The following PTPRG variants were observed in gnomAD, a reference collection of about 807,000 sequenced individuals.
PTPRG encodes the protein protein tyrosine phosphatase receptor type G.
Under a neutral mutation model 165.3 loss-of-function variants are expected in PTPRG, and 102 were observed. That is an observed-to-expected ratio of 0.62 (90% CI 0.53 to 0.73). The LOEUF (loss-of-function observed/expected upper bound fraction) is 0.73. Ranked by LOEUF, PTPRG falls within the 30% of genes least tolerant of loss-of-function variation. The pLI is 0.00. For missense variants in PTPRG, 1,866 were observed against 1,861.4 expected, an observed-to-expected ratio of 1.00 and a Z score of -0.05; for synonymous variants, 675 against 669.5, an observed-to-expected ratio of 1.01 and a Z score of -0.13.
At chr3:62,090,720 G>T (rs1701899774) in intron 5 of PTPRG, among the ~76,000 whole-genome samples, 1 of 152,164 alleles carries the variant, frequency 6.6e-6, no homozygotes, top group Admixed American at 6.5e-5. Flanking sequence ...TGATAATTCT[G>T]CCAAGCATTC....
intron 8 of PTPRG, among the ~76,000 whole-genome samples, chr3:62,169,074 C>A (rs946210595): frequency 1.3e-5 from 2 of 152,138 alleles, no homozygotes; most frequent in Admixed American, 1.3e-4. Context: ...CTATCCCTCT[C>A]GTCTGCTTCT....
At chr3:61,821,247 G>A (rs191717968) in intron 2 of PTPRG, among the ~76,000 whole-genome samples, 1 of 151,874 alleles carries the variant, frequency 6.6e-6, no homozygotes, top group East Asian at 1.9e-4. Context: ...TTGGCTCACT[G>A]CAAGCTCCGC....
At chr3:62,026,283 T>C (rs2041801726) in intron 4 of PTPRG, among the ~76,000 whole-genome samples, 1 of 152,230 alleles carries the variant, frequency 6.6e-6, no homozygotes. Context: ...TGCTGAAAGA[T>C]TGAAAATGCA....
At chr3:62,110,539 TA>T (rs34522053) in intron 5 of PTPRG, among the ~76,000 whole-genome samples, 19,574 of 142,762 alleles carry the variant, frequency 0.14, 1,259 homozygotes, top group African/African-American at 0.17. Context: ...GTAGATGCTT[TA>T]AAAAAAAAAA....
At chr3:61,986,379 T>C (rs1004549033) in intron 2 of PTPRG, among the ~76,000 whole-genome samples, 3 of 152,156 alleles carry the variant, frequency 2.0e-5, no homozygotes, top group Non-Finnish European at 4.4e-5. Flanking sequence ...ATAGTAATAA[T>C]GGGGTCCAAA....
intron 8 of PTPRG, among the ~76,000 whole-genome samples, chr3:62,178,801 C>T (rs1243704390): frequency 6.6e-6 from 1 of 152,178 alleles, no homozygotes; most frequent in African/African-American, 2.4e-5. Flanking sequence ...ACTTAGCAAC[C>T]CTACTCTGGC....
chr3:62,041,423 A>G (rs574317103), intron 4 of PTPRG, among the ~76,000 whole-genome samples: 2 of 152,216 alleles, frequency 1.3e-5, no homozygotes, highest in Non-Finnish European at 2.9e-5. Flanking sequence ...CAAGAATTCT[A>G]GAAACACACA....
intron 2 of PTPRG, among the ~76,000 whole-genome samples, chr3:61,904,429 C>T (rs1032246150): frequency 1.2e-4 from 19 of 152,200 alleles, no homozygotes; most frequent in African/African-American, 4.3e-4. Context: ...CATCTCCCTA[C>T]AGGCCCAAGC....
intron 5 of PTPRG, among the ~76,000 whole-genome samples, chr3:62,094,701 C>G (rs1702052245): frequency 6.6e-6 from 1 of 152,176 alleles, no homozygotes; most frequent in Non-Finnish European, 1.5e-5. Context: ...GTCCAACGTC[C>G]CCACTGAGGC....
chr3:61,794,331 C>A (rs966189852), intron 2 of PTPRG, among the ~76,000 whole-genome samples: 3 of 152,034 alleles, frequency 2.0e-5, no homozygotes, highest in Non-Finnish European at 4.4e-5. Flanking sequence ...GCCATCTGTT[C>A]ATTTAAATAT....
intron 1 of PTPRG, chr3:61,742,455 T>C: frequency 2.3e-5 from 34 of 1,476,022 alleles, no homozygotes; most frequent in Non-Finnish European, 2.6e-5. Context: ...CAAATGTGCC[T>C]TAATATAGGC....
intron 7 of PTPRG, among the ~76,000 whole-genome samples, chr3:62,161,285 G>A (rs2106712287): frequency 6.6e-6 from 1 of 152,260 alleles, no homozygotes; most frequent in African/African-American, 2.4e-5. Context: ...TTTAAAGCAG[G>A]ACTGTCTGGT....
At chr3:61,836,343 T>C (rs748845758) in intron 2 of PTPRG, among the ~76,000 whole-genome samples, 9 of 152,150 alleles carry the variant, frequency 5.9e-5, no homozygotes, top group Non-Finnish European at 1.3e-4. Context: ...GTGTAGTACA[T>C]AGTAAGTGCT....
chr3:61,573,383 T>G (rs1274364187), intron 1 of PTPRG, among the ~76,000 whole-genome samples: 1 of 152,212 alleles, frequency 6.6e-6, no homozygotes, highest in Non-Finnish European at 1.5e-5. Context: ...GCCCTCCTAA[T>G]TTTTGCACAT....
At chr3:62,287,837 C>T (rs1654533792) in intron 28 of PTPRG, among the ~76,000 whole-genome samples, 1 of 152,040 alleles carries the variant, frequency 6.6e-6, no homozygotes, top group African/African-American at 2.4e-5. Flanking sequence ...TCTTCAAACA[C>T]AAATGGTTTA....
At chr3:61,709,125 G>A (rs77163376) in intron 1 of PTPRG, among the ~76,000 whole-genome samples, 5 of 152,144 alleles carry the variant, frequency 3.3e-5, no homozygotes, top group Non-Finnish European at 1.5e-5. Flanking sequence ...TGAGTCAGAG[G>A]TATTGTTGTC....
chr3:62,054,785 T>C (rs1263421171), intron 4 of PTPRG, among the ~76,000 whole-genome samples: 2 of 152,056 alleles, frequency 1.3e-5, no homozygotes, highest in African/African-American at 2.4e-5. Flanking sequence ...CGTACGGGAG[T>C]ATGTGACAGG....
chr3:62,163,706 C>T (rs1001063515), intron 7 of PTPRG, among the ~76,000 whole-genome samples: 4 of 152,202 alleles, frequency 2.6e-5, no homozygotes, highest in African/African-American at 9.7e-5. Context: ...ATAGTACTTA[C>T]TGAGCACCTG....
At chr3:62,188,794 A>C (rs1699728261) in intron 8 of PTPRG, among the ~76,000 whole-genome samples, 1 of 152,158 alleles carries the variant, frequency 6.6e-6, no homozygotes, top group African/African-American at 2.4e-5. Context: ...GAGGAAGATA[A>C]ATAAGAACAT....
Sources: allele counts gnomAD v4.1 joint callset (sites outside exome capture counted in the v4.1 genomes callset), GRCh38; gene constraint gnomAD v4.1.1; transcripts MANE v1.5; gene names NCBI Gene and HGNC (gene_info 2026-07-23, HGNC 2026-07-21).